Variants in COL4A2 observed in about 807,000 individuals in gnomAD.
The protein encoded by COL4A2 is collagen type IV alpha 2 chain, also known as collagen alpha-2(IV) chain.
In COL4A2, 99 loss-of-function variants were observed where a neutral mutation model predicts 200.2. The observed-to-expected ratio is 0.49, with a 90% CI of 0.42 to 0.58. COL4A2 has a LOEUF of 0.58. COL4A2 is among the 20% of genes least tolerant of loss of function. COL4A2 has a pLI of 0.00. For synonymous variants in COL4A2, 897 were observed against 900.6 expected (o/e 1.00, Z 0.07); for missense variants, 1,950 against 2,314.1 (o/e 0.84, Z 3.23).
intron 10 of COL4A2, 124 bp downstream of exon 10, chr13:110,430,731 A>G: frequency 7.7e-7 from 1 of 1,297,124 alleles, no homozygotes; most frequent in Middle Eastern, 1.8e-4. Context: ...TTATAGGCGT[A>G]GCAGAGAACA....
chr13:110,370,769 T>C (rs1426216998), intron 4 of COL4A2, among the ~76,000 whole-genome samples: 1 of 152,212 alleles, frequency 6.6e-6, no homozygotes, highest in East Asian at 1.9e-4. Context: ...CTCCTACTTG[T>C]CTAATACTGA....
At chr13:110,412,863 T>C (rs1163965032) in intron 4 of COL4A2, among the ~76,000 whole-genome samples, 1 of 152,206 alleles carries the variant, frequency 6.6e-6, no homozygotes, top group Admixed American at 6.5e-5. Context: ...GGCCCAGCCC[T>C]CCTTTCCACA....
chr13:110,383,151 G>A (rs1488234262), intron 4 of COL4A2, among the ~76,000 whole-genome samples: 1 of 152,160 alleles, frequency 6.6e-6, no homozygotes, highest in African/African-American at 2.4e-5. Flanking sequence ...AACTTATGGG[G>A]ATAGTGCCAT....
intron 3 of COL4A2, among the ~76,000 whole-genome samples, chr13:110,352,070 G>C (rs1449169436): frequency 1.3e-5 from 2 of 152,172 alleles, no homozygotes; most frequent in Admixed American, 6.5e-5. Context: ...TCCAACTCAG[G>C]ATGTTCCTGA....
At chr13:110,496,168 C>G (rs1883447598) in intron 40 of COL4A2, among the ~76,000 whole-genome samples, 1 of 152,188 alleles carries the variant, frequency 6.6e-6, no homozygotes, top group Non-Finnish European at 1.5e-5. Flanking sequence ...ATGCTGGCAA[C>G]AGAAACTCTG....
chr13:110,391,686 G>A (rs1878986109), intron 4 of COL4A2, among the ~76,000 whole-genome samples: 1 of 152,192 alleles, frequency 6.6e-6, no homozygotes, highest in Non-Finnish European at 1.5e-5. Context: ...AAACAGAAGA[G>A]CAACACCTTT....
intron 4 of COL4A2, among the ~76,000 whole-genome samples, chr13:110,370,402 C>T (rs553021948): frequency 2.2e-4 from 34 of 152,056 alleles, no homozygotes; most frequent in Non-Finnish European, 4.7e-4. Flanking sequence ...TAGCTGGGAG[C>T]CCGCCACCAT....
Position 110,424,934 on chromosome 13 carries a change from G to A in COL4A2, c.316-19G>A. ...GCGGGTATCTCAGCCTTGGTTAATT[G>A]CATTTGCTTTCTTCATAGGGAGCAA... On this transcript the variant is annotated intron_variant, in intron 5 of 47. Coordinates refer to ENST00000360467, the MANE Select transcript of COL4A2 (RefSeq NM_001846.4). The A allele has an allele frequency of 6.2e-7, 1 of 1,614,190 alleles. No homozygotes were observed. The highest frequency in any genetic ancestry group is 8.5e-7 in the Non-Finnish European group (1 of 1,180,034).
At position 110,508,459 on chromosome 13, in the gene COL4A2, T is replaced by C; in HGVS notation, c.4881+238T>C. On this transcript the variant is annotated intron_variant, in intron 47 of 47. Transcript: ENST00000360467. This position sits in a 1 kb window ranked among gnomAD's most constrained non-coding sequence, Gnocchi z 6.1. ...GGCTCATTAATTTGCCACCAGGCCTTTGTAAGGAGTGTAACCAGGACGAAC... is the reference window on the plus strand; with the variant it reads ...GGCTCATTAATTTGCCACCAGGCCTCTGTAAGGAGTGTAACCAGGACGAAC... 1 of 643,040 alleles carries C rather than the reference T, an allele frequency of 1.6e-6. No homozygotes were observed. The highest frequency in any genetic ancestry group is 2.8e-5 in the East Asian group (1 of 35,498). 39.8% of individuals were successfully genotyped at this position (643,040 alleles called of 1,614,324 possible). A position where few individuals can be genotyped will look rare whatever the true frequency, so the allele number is the denominator to read the frequency against.
chr13:110,370,644 T>C (rs1314177184), intron 4 of COL4A2, among the ~76,000 whole-genome samples: 2 of 152,232 alleles, frequency 1.3e-5, no homozygotes, highest in Non-Finnish European at 2.9e-5. Flanking sequence ...TTGAACTTGA[T>C]TCAGGATTTT....
At position 110,508,811 on chromosome 13, in the gene COL4A2, C is replaced by A. The variant is rs1279834155; in HGVS notation, c.4881+590C>A. ...TCGCCTTTGGGTATAAAATAGAGAA[C>A]CCTCAGCTTTGGCCAGATTAGGTTT... On this transcript the variant is annotated intron_variant, in intron 47 of 47. Transcript: ENST00000360467. This position sits in a 1 kb window ranked among gnomAD's most constrained non-coding sequence, Gnocchi z 6.1. Among the ~76,000 whole-genome samples the A allele has an allele frequency of 6.6e-6, 1 of 152,158 alleles. No homozygotes were observed.
rs749227696 is a variant in COL4A2, at chr13:110,438,013, C to A, written c.837C>A (p.Gly279=). The change falls in exon 14 of 48, where the codon GGC becomes GGA. Residue 279 remains glycine, a synonymous_variant. Coordinates refer to ENST00000360467, the MANE Select transcript of COL4A2 (RefSeq NM_001846.4). ...CATATTCTTCACAGGGTGAAAAAGG[C>A]AGTGAGGGGGAACCAGGAATAAGAG... is the stretch of plus-strand genomic sequence containing the variant. ...FHPDQYKGEK[G]SEGEPGIRGI... 5.6e-6 allele frequency: 9 copies of A among 1,613,128 alleles called. No individual in the cohort carries two copies. In the South Asian group the frequency reaches 9.9e-5, roughly 18 times the overall value.
intron 4 of COL4A2, among the ~76,000 whole-genome samples, chr13:110,365,655 C>A (rs181200983): frequency 8.8e-4 from 134 of 152,304 alleles, no homozygotes; most frequent in Non-Finnish European, 1.6e-3. Context: ...CCTTTCTCCA[C>A]GCAATGGCCT....
chr13:110,439,063 A>G (rs558278958), intron 15 of COL4A2, among the ~76,000 whole-genome samples: 3 of 152,224 alleles, frequency 2.0e-5, no homozygotes, highest in Admixed American at 6.5e-5. Context: ...CAAGAGCCCA[A>G]CAAAAATGTC....
chr13:110,495,301 T>G (rs1361350121), intron 39 of COL4A2, 41 bp from the exon 40 acceptor site: 1 of 1,613,636 alleles, frequency 6.2e-7, no homozygotes, highest in African/African-American at 1.3e-5. Flanking sequence ...ACTGTATGGT[T>G]GGAAACACCG....
intron 4 of COL4A2, among the ~76,000 whole-genome samples, chr13:110,371,123 A>G (rs1400847707): frequency 6.6e-6 from 1 of 152,248 alleles, no homozygotes; most frequent in Non-Finnish European, 1.5e-5. Context: ...AAAGATGAAT[A>G]AGATGCGTCC....
At chr13:110,310,106 A>C (rs548849892) in intron 3 of COL4A2, among the ~76,000 whole-genome samples, 1 of 152,370 alleles carries the variant, frequency 6.6e-6, no homozygotes, top group Admixed American at 6.5e-5. Flanking sequence ...ACAGAGGCCA[A>C]GTGCCCTAAG....
intron 4 of COL4A2, 82 bp from the exon 5 acceptor site, chr13:110,424,652 T>C (rs1467789417): frequency 2.6e-6 from 2 of 774,962 alleles, no homozygotes; most frequent in Admixed American, 2.8e-5. Context: ...AAAAAAAAAA[T>C]GTAGTTTTGA....
At chr13:110,331,593 C>T (rs1224292345) in intron 3 of COL4A2, among the ~76,000 whole-genome samples, 1 of 152,296 alleles carries the variant, frequency 6.6e-6, no homozygotes. Context: ...AGACCGCCGG[C>T]AGCTCTTGAT....
Sources: gnomAD v4.1 joint callset for allele counts (sites outside exome capture counted in the v4.1 genomes callset) on GRCh38, gnomAD v4.1.1 for gene constraint, Gnocchi (gnomAD v3.1) non-coding constraint, MANE v1.5 for transcripts, NCBI Gene and HGNC (gene_info 2026-07-23, HGNC 2026-07-21) for gene names.